FAXC: variants seen among roughly 807,000 people sequenced by gnomAD.
The protein encoded by FAXC is failed axon connections homolog, metaxin like GST domain containing, also known as failed axon connections homolog.
In FAXC, 10 loss-of-function variants were observed where a neutral mutation model predicts 41.9. The observed-to-expected ratio is 0.24, with a 90% CI of 0.15 to 0.41. The LOEUF (loss-of-function observed/expected upper bound fraction) is 0.41, where lower values mean the gene tolerates loss of function less well. Among genes scored for constraint, FAXC ranks in the 10% least tolerant of loss-of-function variants. The probability of loss-of-function intolerance (pLI) is 1.00; values close to 1 mark genes in which losing one functional copy is unlikely to be tolerated. For missense variants in FAXC, 399 were observed against 510.9 expected, an observed-to-expected ratio of 0.78 and a Z score of 2.11; for synonymous variants, 183 against 183.8, an observed-to-expected ratio of 1.00 and a Z score of 0.03.
chr6:99,319,082 G>A (rs1299085707), intron 4 of FAXC, among the ~76,000 whole-genome samples: 1 of 152,168 alleles, frequency 6.6e-6, no homozygotes, highest in East Asian at 1.9e-4. Context: ...TCCCCAAGGG[G>A]GACATAAGAA....
At chr6:99,331,632 C>T (rs1056507531) in intron 3 of FAXC, among the ~76,000 whole-genome samples, 1 of 152,192 alleles carries the variant, frequency 6.6e-6, no homozygotes, top group South Asian at 2.1e-4. Context: ...AAAGTGACAA[C>T]TAAAATGTAT....
intron 3 of FAXC, among the ~76,000 whole-genome samples, chr6:99,332,129 T>G (rs1445777386): frequency 6.6e-6 from 1 of 152,014 alleles, no homozygotes; most frequent in Non-Finnish European, 1.5e-5. Flanking sequence ...AGGTCAGCCC[T>G]GGAATAAACT....
chr6:99,319,001 T>C (rs1180578526), intron 4 of FAXC, among the ~76,000 whole-genome samples: 2 of 152,220 alleles, frequency 1.3e-5, no homozygotes, highest in East Asian at 1.9e-4. Context: ...ATAAACAGTG[T>C]ATGTATTTCT....
intron 5 of FAXC, among the ~76,000 whole-genome samples, chr6:99,289,828 T>A: frequency 6.6e-6 from 1 of 151,864 alleles, no homozygotes; most frequent in Middle Eastern, 3.2e-3. Context: ...TAACCTACAG[T>A]AAGGCAAAAT....
At chr6:99,286,295 T>G (rs1771028038) in intron 5 of FAXC, among the ~76,000 whole-genome samples, 1 of 152,122 alleles carries the variant, frequency 6.6e-6, no homozygotes, top group Non-Finnish European at 1.5e-5. Flanking sequence ...AAATATTAAT[T>G]CACAGATCTC....
chr6:99,290,149 C>T (rs1373862943), intron 5 of FAXC, among the ~76,000 whole-genome samples: 1 of 125,796 alleles, frequency 7.9e-6, no homozygotes, highest in Non-Finnish European at 1.7e-5. Flanking sequence ...ACACACACCC[C>T]AAGATCTGGT....
In FAXC at chr6:99,272,500, G is replaced by T. The variant is rs1369810086; in HGVS notation, c.*8664C>A. ...TAATTGAGACAATATTTATACAAGGGGAAATTGGTCTATTATAAGGCCTAG... is the reference window on the plus strand; with the variant it reads ...TAATTGAGACAATATTTATACAAGGTGAAATTGGTCTATTATAAGGCCTAG... On this transcript the variant is annotated 3_prime_UTR_variant, in exon 6 of 6. Transcript: ENST00000389677. The T allele has an allele frequency of 6.6e-6, 1 of 152,076 alleles. No homozygotes were observed. The highest frequency in any genetic ancestry group is 1.9e-4 in the East Asian group (1 of 5,190). 9.4% of individuals were successfully genotyped at this position (152,076 alleles called of 1,614,324 possible). A position where few individuals can be genotyped will look rare whatever the true frequency, so the allele number is the denominator to read the frequency against.
intron 4 of FAXC, among the ~76,000 whole-genome samples, chr6:99,307,322 C>A (rs530523122): frequency 4.6e-5 from 7 of 151,926 alleles, no homozygotes; most frequent in African/African-American, 1.7e-4. Context: ...TTTAAAGATA[C>A]GAGACTTAAA....
At chr6:99,325,391 T>C (rs1366063475) in intron 3 of FAXC, among the ~76,000 whole-genome samples, 1 of 152,236 alleles carries the variant, frequency 6.6e-6, no homozygotes, top group Admixed American at 6.5e-5. Flanking sequence ...TTGGCTACCT[T>C]TTTAAACGAA....
intron 1 of FAXC, among the ~76,000 whole-genome samples, chr6:99,347,327 G>C (rs1413110507): frequency 6.6e-6 from 1 of 151,728 alleles, no homozygotes; most frequent in Non-Finnish European, 1.5e-5. Flanking sequence ...ATTTGAACCA[G>C]GGAGGTGGAG....
chr6:99,293,714 C>G (rs62423985), intron 4 of FAXC, among the ~76,000 whole-genome samples: 12,707 of 59,630 alleles, frequency 0.21, 372 homozygotes, highest in South Asian at 0.28. Flanking sequence ...GTGTGTGTGT[C>G]TGTGTGTGTG....
At position 99,281,358 on chromosome 6, in the gene FAXC, C is replaced by T; in HGVS notation, c.1036G>A (p.Glu346Lys). The change falls in exon 6 of 6, where the codon GAG (glutamate) becomes AAG (lysine). Residue 346 changes from glutamate (E) to lysine (K), a missense_variant. Transcript: ENST00000389677. ...HDDDNTIYES[E>K]ESSEGSKTHT... Reference sequence around the variant, plus strand: ...GTTTTGCTGCCTTCGCTGCTCTCCTCAGACTCATAGATGGTATTGTCATCA... The same window carrying T: ...GTTTTGCTGCCTTCGCTGCTCTCCTTAGACTCATAGATGGTATTGTCATCA... 1 of 1,614,210 alleles carries T rather than the reference C, an allele frequency of 6.2e-7. No individual in the cohort carries two copies. Among genetic ancestry groups the T allele is most frequent in the Non-Finnish European group, 8.5e-7 (1 of 1,180,028 alleles).
intron 4 of FAXC, among the ~76,000 whole-genome samples, chr6:99,314,441 G>A (rs752377403): frequency 1.3e-5 from 2 of 152,138 alleles, no homozygotes; most frequent in Admixed American, 6.5e-5. Flanking sequence ...GGGCGTGGTA[G>A]CACACGCCTG....
Position 99,272,525 on chromosome 6 carries a change from G to A in FAXC, c.*8639C>T, listed in dbSNP as rs1770450142. The stretch of plus-strand genomic sequence containing the variant: ...GGAAATTGGTCTATTATAAGGCCTA[G>A]CCATAGTAAAGGTCTCAACATGTGC... On this transcript the variant is annotated 3_prime_UTR_variant, in exon 6 of 6. Coordinates refer to ENST00000389677, the MANE Select transcript of FAXC (RefSeq NM_032511.4). The A allele has an allele frequency of 6.6e-6, 1 of 152,174 alleles. No homozygotes were observed. The highest frequency in any genetic ancestry group is 2.4e-5 in the African/African-American group (1 of 41,424). The allele number at this position is 152,174 out of a possible 1,614,324, so 9.4% of individuals were successfully genotyped here.
intron 5 of FAXC, among the ~76,000 whole-genome samples, chr6:99,283,062 T>C (rs1770896806): frequency 6.6e-6 from 1 of 152,238 alleles, no homozygotes. Flanking sequence ...AGCTTCAGTT[T>C]GTCTTTATGA....
intron 5 of FAXC, among the ~76,000 whole-genome samples, chr6:99,287,198 C>T (rs1253934792): frequency 6.6e-6 from 1 of 151,976 alleles, no homozygotes; most frequent in East Asian, 1.9e-4. Context: ...TATTTCATGA[C>T]AAGGGAAATG....
intron 1 of FAXC, 137 bp downstream of exon 1, chr6:99,348,970 A>T: frequency 3.8e-6 from 3 of 787,376 alleles, no homozygotes; most frequent in Non-Finnish European, 6.2e-6. Context: ...AAATGCCTTT[A>T]GGGAAAGGTA....
chr6:99,333,280 G>A, intron 3 of FAXC, 71 bp downstream of exon 3: 1 of 1,298,094 alleles, frequency 7.7e-7, no homozygotes, highest in South Asian at 1.4e-5. Context: ...ACGGTGGAAA[G>A]AGGATCTGAA....
chr6:99,307,921 C>G (rs1406603550), intron 4 of FAXC, among the ~76,000 whole-genome samples: 1 of 151,798 alleles, frequency 6.6e-6, no homozygotes, highest in East Asian at 1.9e-4. Context: ...ATAAATAGAT[C>G]AAATGACATT....
Sources: allele counts gnomAD v4.1 joint callset (sites outside exome capture counted in the v4.1 genomes callset), GRCh38; gene constraint gnomAD v4.1.1; transcripts MANE v1.5; gene names NCBI Gene and HGNC (gene_info 2026-07-23, HGNC 2026-07-21).